ITCH: variants seen among roughly 807,000 people sequenced by gnomAD.
ITCH encodes itchy E3 ubiquitin protein ligase, also known as E3 ubiquitin-protein ligase Itchy homolog.
A neutral mutation model predicts 126.8 loss-of-function variants in ITCH; 28 were observed. The observed-to-expected ratio is 0.22, with a 90% CI of 0.16 to 0.30. ITCH has a LOEUF of 0.30. ITCH is among the 10% of genes least tolerant of loss of function. ITCH has a pLI of 1.00. For missense variants in ITCH, 631 were observed against 1,032.4 expected, an observed-to-expected ratio of 0.61 and a Z score of 5.33; for synonymous variants, 342 against 340.0, an observed-to-expected ratio of 1.01 and a Z score of -0.06.
intron 14 of ITCH, among the ~76,000 whole-genome samples, chr20:34,467,447 T>G (rs1192292195): frequency 6.6e-6 from 1 of 151,168 alleles, no homozygotes; most frequent in Non-Finnish European, 1.5e-5. Flanking sequence ...GAAGATTGCT[T>G]GAGCCCAGGA....
rs182250289 is a variant in ITCH, at chr20:34,401,355, A to G, written c.71-7296A>G. On this transcript the variant is annotated intron_variant, in intron 3 of 24. Transcript: ENST00000374864. Reference sequence around the variant, plus strand: ...CCCATTTGTTCTGTTTCAAAGGTGCAGTACTTTTCTTCATTTATTAGTGAA... The same window carrying G: ...CCCATTTGTTCTGTTTCAAAGGTGCGGTACTTTTCTTCATTTATTAGTGAA... Among the ~76,000 whole-genome samples the G allele has an allele frequency of 5.3e-3, 800 of 152,212 alleles. 3 individuals are homozygous for G. The highest frequency in any genetic ancestry group is 8.3e-3 in the Non-Finnish European group (563 of 68,024).
At chr20:34,447,341 A>T (rs113304350) in intron 11 of ITCH, among the ~76,000 whole-genome samples, 98 of 152,322 alleles carry the variant, frequency 6.4e-4, no homozygotes, top group Non-Finnish European at 1.2e-3. Context: ...ATAGCCAAAG[A>T]TATAAGCTGA....
At chr20:34,400,648 T>TTTC (rs1295685215) in intron 3 of ITCH, among the ~76,000 whole-genome samples, 20 of 146,482 alleles carry the variant, frequency 1.4e-4, no homozygotes, top group Middle Eastern at 3.5e-3. Flanking sequence ...AAATTTTTCT[T>TTTC]TTTTTTTTTT....
chr20:34,445,175 T>C, intron 10 of ITCH, 112 bp from the exon 11 acceptor site: 1 of 1,166,336 alleles, frequency 8.6e-7, no homozygotes, highest in Non-Finnish European at 1.2e-6. Context: ...TATTTAAAAA[T>C]ACATAAAAGA....
chr20:34,460,940 G>C (rs555014574), intron 13 of ITCH, among the ~76,000 whole-genome samples: 3 of 152,208 alleles, frequency 2.0e-5, no homozygotes, highest in African/African-American at 7.2e-5. Context: ...AGGATTGCTT[G>C]AACCCAGGAG....
intron 13 of ITCH, among the ~76,000 whole-genome samples, chr20:34,459,170 T>C (rs1277673231): frequency 2.0e-5 from 3 of 152,128 alleles, no homozygotes; most frequent in Admixed American, 1.3e-4. Context: ...TGAGAACTCA[T>C]TGAAACCTCT....
At chr20:34,368,981 A>T (rs1304587021) in intron 1 of ITCH, among the ~76,000 whole-genome samples, 2 of 152,168 alleles carry the variant, frequency 1.3e-5, no homozygotes, top group East Asian at 3.8e-4. Flanking sequence ...TGAAATTTTT[A>T]AAAGAGACTT....
intron 3 of ITCH, among the ~76,000 whole-genome samples, chr20:34,396,664 C>G (rs1001729082): frequency 4.6e-5 from 7 of 151,986 alleles, no homozygotes; most frequent in African/African-American, 1.4e-4. Context: ...ATGCACCACC[C>G]TACCCAGCTC....
chr20:34,399,347 G>A (rs1012259450), intron 3 of ITCH, among the ~76,000 whole-genome samples: 22 of 151,836 alleles, frequency 1.4e-4, no homozygotes, highest in Non-Finnish European at 1.5e-5. Flanking sequence ...AGCTGAGATC[G>A]TGCCATTACA....
chr20:34,416,535 T>C (rs929866952), intron 6 of ITCH, among the ~76,000 whole-genome samples: 3 of 152,216 alleles, frequency 2.0e-5, no homozygotes, highest in Admixed American at 6.5e-5. Flanking sequence ...AAAAATACCT[T>C]ATTGTACTCA....
chr20:34,418,815 GC>G (rs2146200370), intron 6 of ITCH, among the ~76,000 whole-genome samples: 1 of 138,832 alleles, frequency 7.2e-6, no homozygotes, highest in Non-Finnish European at 1.5e-5. Context: ...AGACTGGAGT[GC>G]AATGGCGCGA....
intron 7 of ITCH, among the ~76,000 whole-genome samples, chr20:34,428,672 C>T (rs1331703659): frequency 6.6e-6 from 1 of 152,148 alleles, no homozygotes; most frequent in African/African-American, 2.4e-5. Context: ...CCTATCTCGG[C>T]CTCCCGAAGT....
At position 34,507,958 on chromosome 20, in the gene ITCH, T is replaced by C. The variant is rs1017998201; in HGVS notation, c.*164T>C. 2.3e-5 allele frequency: 14 copies of C among 621,682 alleles called. No homozygotes were observed. The highest frequency in any genetic ancestry group is 4.1e-5 in the Non-Finnish European group (14 of 343,790). 38.5% of individuals were successfully genotyped at this position (621,682 alleles called of 1,614,324 possible). ...AGATTTATCTCCCAGTGATTTCTAC[T>C]CAGCGTTTCCAGAAATCAGGTCTGC... On this transcript the variant is annotated 3_prime_UTR_variant, in exon 25 of 25. Transcript: ENST00000374864.
At chr20:34,476,005 T>A in intron 16 of ITCH, 1 of 1,600,330 alleles carries the variant, frequency 6.2e-7, no homozygotes, top group African/African-American at 1.3e-5. Flanking sequence ...TGTCCATAGA[T>A]TTTGTCAAAC....
intron 13 of ITCH, among the ~76,000 whole-genome samples, chr20:34,459,081 A>G (rs1986277535): frequency 6.6e-6 from 1 of 152,226 alleles, no homozygotes; most frequent in Admixed American, 6.5e-5. Context: ...GGGGGTCCAC[A>G]GGATGACTCC....
At chr20:34,432,820 G>A (rs1383501625) in intron 7 of ITCH, among the ~76,000 whole-genome samples, 1 of 151,986 alleles carries the variant, frequency 6.6e-6, no homozygotes, top group East Asian at 1.9e-4. Flanking sequence ...AGTCCAGAAT[G>A]GTAGCCTGCA....
intron 15 of ITCH, 100 bp from the exon 16 acceptor site, chr20:34,471,344 C>A: frequency 1.4e-6 from 1 of 737,740 alleles, no homozygotes; most frequent in Non-Finnish European, 2.5e-6. Context: ...CTACTTGTTT[C>A]TGTAAGGAAA....
intron 9 of ITCH, chr20:34,441,795 A>G (rs1419969585): frequency 4.7e-6 from 1 of 212,578 alleles, no homozygotes; most frequent in African/African-American, 2.3e-5. Context: ...CATGTTGGCC[A>G]GGCTGGTCTT....
chr20:34,399,659 G>T (rs1447863694), intron 3 of ITCH, among the ~76,000 whole-genome samples: 1 of 151,918 alleles, frequency 6.6e-6, no homozygotes, highest in African/African-American at 2.4e-5. Context: ...GGCCAACATG[G>T]TGAAACCCTG....
Sources: allele counts gnomAD v4.1 joint callset (sites outside exome capture counted in the v4.1 genomes callset), GRCh38; gene constraint gnomAD v4.1.1; transcripts MANE v1.5; gene names NCBI Gene and HGNC (gene_info 2026-07-23, HGNC 2026-07-21).